The following KDM4B variants were observed in gnomAD, a reference collection of about 807,000 sequenced individuals.
The protein encoded by KDM4B is lysine-specific demethylase 4B.
Under a neutral mutation model 125.2 loss-of-function variants are expected in KDM4B, and 32 were observed. The ratio of observed to expected loss-of-function variants is 0.26; its 90% CI spans 0.19 to 0.34. The LOEUF is 0.34. Ranked by LOEUF, KDM4B falls within the 10% of genes least tolerant of loss-of-function variation. The pLI, the probability that KDM4B is intolerant of heterozygous loss-of-function variation, is 1.00. For synonymous variants in KDM4B, 721 were observed against 677.9 expected (o/e 1.06, Z -0.99); for missense variants, 1,190 against 1,577.7 (o/e 0.75, Z 4.16).
intron 6 of KDM4B, among the ~76,000 whole-genome samples, chr19:5,048,810 G>T (rs1310580789): frequency 6.6e-6 from 1 of 152,208 alleles, no homozygotes; most frequent in Non-Finnish European, 1.5e-5. Context: ...GACCGGGTTT[G>T]TGCCTCCATA....
intron 20 of KDM4B, 152 bp downstream of exon 20, chr19:5,144,564 A>G: frequency 1.0e-6 from 1 of 980,494 alleles, no homozygotes; most frequent in Non-Finnish European, 1.5e-6. Context: ...CCTTGTCCTC[A>G]GGGCCCCAGG....
intron 1 of KDM4B, among the ~76,000 whole-genome samples, chr19:4,985,626 C>T (rs751236065): frequency 6.6e-5 from 10 of 152,202 alleles, no homozygotes; most frequent in Admixed American, 2.6e-4. Context: ...GATCTGGCCC[C>T]GCGTGCTGTG....
chr19:5,105,869 T>C (rs2145969137), intron 9 of KDM4B, among the ~76,000 whole-genome samples: 1 of 152,378 alleles, frequency 6.6e-6, no homozygotes, highest in East Asian at 1.9e-4. Context: ...TGAATGGGCC[T>C]GGCTATGTGC....
intron 2 of KDM4B, among the ~76,000 whole-genome samples, chr19:5,020,027 G>T (rs2036053851): frequency 6.8e-6 from 1 of 147,596 alleles, no homozygotes; most frequent in Admixed American, 6.8e-5. Context: ...GCAGGTGTTG[G>T]TGTGGACGTT....
At chr19:5,073,777 A>G (rs1357380727) in intron 7 of KDM4B, among the ~76,000 whole-genome samples, 1 of 152,022 alleles carries the variant, frequency 6.6e-6, no homozygotes, top group African/African-American at 2.4e-5. Context: ...AGGGGGAGCC[A>G]GGGAAGAATT....
In KDM4B at chr19:5,093,009, A is replaced by G. The variant is rs1320989125; in HGVS notation, c.918+10505A>G. Among the ~76,000 whole-genome samples the G allele has an allele frequency of 2.0e-5, 3 of 152,142 alleles. No individual in the cohort carries two copies. The East Asian group carries it at 5.8e-4, about 29-fold the overall frequency. ...CATGGGGCCTGTGGTTCATACCTGG[A>G]GCTGTCTGCCTGGGTGCAGACCCTC... On this transcript the variant is annotated intron_variant, in intron 9 of 22. Transcript: ENST00000159111.
intron 9 of KDM4B, among the ~76,000 whole-genome samples, chr19:5,086,612 C>T (rs1256054929): frequency 1.3e-5 from 2 of 152,048 alleles, no homozygotes; most frequent in South Asian, 2.1e-4. Context: ...CAGATGCCAG[C>T]GGGGTTGCAC....
At chr19:5,056,824 T>C (rs571763548) in intron 6 of KDM4B, among the ~76,000 whole-genome samples, 1 of 118,320 alleles carries the variant, frequency 8.5e-6, no homozygotes, top group Non-Finnish European at 1.8e-5. Context: ...CGGGGAGTCC[T>C]GGGGTGTCTA....
At position 5,009,493 on chromosome 19, in the gene KDM4B, C is replaced by T. The variant is rs113941675; in HGVS notation, c.-108-6764C>T. Among the ~76,000 whole-genome samples, 1,031 of 152,292 alleles carry T rather than the reference C, an allele frequency of 6.8e-3. 12 individuals are homozygous for T. The highest frequency in any genetic ancestry group is 0.023 in the African/African-American group (973 of 41,562). ...TTGGCTCTTTCACGGCCTGACTCTC[C>T]TCTTCCAGTGAAAACCTGCTATGCC... On this transcript the variant is annotated intron_variant, in intron 1 of 22. Transcript: ENST00000159111.
chr19:5,053,116 A>G (rs1234118271), intron 6 of KDM4B, among the ~76,000 whole-genome samples: 9 of 152,208 alleles, frequency 5.9e-5, no homozygotes, highest in Non-Finnish European at 1.5e-5. Flanking sequence ...AGCTTCACAG[A>G]TTGGTTTTAA....
chr19:5,103,364 G>A (rs1356217053), intron 9 of KDM4B, among the ~76,000 whole-genome samples: 4 of 152,208 alleles, frequency 2.6e-5, no homozygotes, highest in Admixed American at 6.5e-5. Context: ...TTATCTCTGC[G>A]TCGGGTCCCG....
At chr19:5,063,668 C>G (rs571254362) in intron 6 of KDM4B, among the ~76,000 whole-genome samples, 1 of 152,356 alleles carries the variant, frequency 6.6e-6, no homozygotes, top group Admixed American at 6.5e-5. Context: ...GGGACCGTGG[C>G]TCTCTGGTCC....
intron 6 of KDM4B, among the ~76,000 whole-genome samples, chr19:5,057,027 TGC>T (rs1043193515): frequency 8.0e-6 from 1 of 124,758 alleles, no homozygotes; most frequent in East Asian, 2.0e-4. Flanking sequence ...CAGATATATA[TGC>T]GTGTGTGTGT....
Position 5,152,495 on chromosome 19 carries a change from C to G in KDM4B, c.*984C>G, listed in dbSNP as rs1332972198. ...GGTTGGTAGTGAGTGTGGACAGCTT[C>G]CCAGCTCTTCGGGTACAACCCTGAG... On this transcript the variant is annotated 3_prime_UTR_variant, in exon 23 of 23. Coordinates refer to ENST00000159111, the MANE Select transcript of KDM4B (RefSeq NM_015015.3). 2.6e-5 allele frequency: 4 copies of G among 152,326 alleles called. No individual in the cohort carries two copies. Among genetic ancestry groups the G allele is most frequent in the Admixed American group, 6.5e-5 (1 of 15,284 alleles). 9.4% of individuals were successfully genotyped at this position (152,326 alleles called of 1,614,324 possible). A position where few individuals can be genotyped will look rare whatever the true frequency, so the allele number is the denominator to read the frequency against.
chr19:5,109,082 C>A (rs113393872), intron 9 of KDM4B, among the ~76,000 whole-genome samples: 1 of 152,226 alleles, frequency 6.6e-6, no homozygotes. Context: ...CACAGCCATG[C>A]GCATGCATGT....
Position 5,142,500 on chromosome 19 carries a change from T to C in KDM4B, c.2551-1467T>C, listed in dbSNP as rs970428599. Among the ~76,000 whole-genome samples the C allele has an allele frequency of 6.6e-6, 1 of 152,114 alleles. No homozygotes were observed. Among genetic ancestry groups the C allele is most frequent in the Non-Finnish European group, 1.5e-5 (1 of 67,988 alleles). On this transcript the variant is annotated intron_variant, in intron 18 of 22. Transcript: ENST00000159111. This position sits in a 1 kb window ranked among gnomAD's most constrained non-coding sequence, Gnocchi z 5.4. Reference sequence around the variant, plus strand: ...AGATGCAGGGTCATGGGCTGCCTGCTACCACGAGGCGGAAGGGGATGGTGC... The same window carrying C: ...AGATGCAGGGTCATGGGCTGCCTGCCACCACGAGGCGGAAGGGGATGGTGC...
At chr19:5,136,684 T>G (rs1397661319) in intron 15 of KDM4B, among the ~76,000 whole-genome samples, 3 of 150,484 alleles carry the variant, frequency 2.0e-5, no homozygotes, top group African/African-American at 7.3e-5. Flanking sequence ...GGCAGTGAGG[T>G]CCCCGCCCCC....
At chr19:5,043,307 G>A (rs1388441034) in intron 5 of KDM4B, among the ~76,000 whole-genome samples, 1 of 140,378 alleles carries the variant, frequency 7.1e-6, no homozygotes, top group African/African-American at 2.7e-5. Flanking sequence ...CCCGTGCTGT[G>A]TTTATCGGAG....
At chr19:5,015,142 G>A (rs1428929456) in intron 1 of KDM4B, among the ~76,000 whole-genome samples, 2 of 152,228 alleles carry the variant, frequency 1.3e-5, no homozygotes. Flanking sequence ...GGCAGCCTGA[G>A]CTGAGAGCCA....
Sources: gnomAD v4.1 joint callset for allele counts (sites outside exome capture counted in the v4.1 genomes callset) on GRCh38, gnomAD v4.1.1 for gene constraint, Gnocchi (gnomAD v3.1) non-coding constraint, MANE v1.5 for transcripts, NCBI Gene and HGNC (gene_info 2026-07-23, HGNC 2026-07-21) for gene names.